The following GPR149 variants were observed in gnomAD, a reference collection of about 807,000 sequenced individuals.
GPR149 encodes the protein G protein-coupled receptor 149, also known as probable G protein-coupled receptor 149.
GPR149 carries 50 observed loss-of-function variants against 50.2 expected under a neutral mutation model. The observed-to-expected ratio is 1.00, with a 90% CI of 0.79 to 1.26. The LOEUF is 1.26. Ranked by LOEUF, GPR149 falls within the 50% of genes most tolerant of loss-of-function variation. The pLI is 0.00. For synonymous variants in GPR149, 405 were observed against 358.2 expected (o/e 1.13, Z -1.48); for missense variants, 983 against 895.4 (o/e 1.10, Z -1.25).
At chr3:154,352,413 G>A in intron 3 of GPR149, 2 of 932,044 alleles carry the variant, frequency 2.1e-6, no homozygotes, top group Admixed American at 1.7e-5. Flanking sequence ...GTGCCACACT[G>A]CCTGTAACCT....
At chr3:154,416,433 A>G (rs1180132081) in intron 3 of GPR149, among the ~76,000 whole-genome samples, 2 of 151,870 alleles carry the variant, frequency 1.3e-5, no homozygotes, top group African/African-American at 4.8e-5. Flanking sequence ...CTGCATTTTA[A>G]TAAGATACCC....
intron 3 of GPR149, 135 bp downstream of exon 3, chr3:154,420,904 A>T: frequency 1.5e-6 from 1 of 649,216 alleles, no homozygotes; most frequent in East Asian, 2.8e-5. Context: ...AAAATTAAAT[A>T]GCATGGAAAT....
chr3:154,338,078 G>T lies in GPR149; in HGVS notation c.1817C>A (p.Ser606Tyr). ...ACTGGTGTCCACAAACGTGGATGAAGAATCTTCTGAGTTTGGTTCATGGCC... is the reference window on the plus strand; with the variant it reads ...ACTGGTGTCCACAAACGTGGATGAATAATCTTCTGAGTTTGGTTCATGGCC... ...SVGHEPNSED[S>Y]SSTFVDTSVK... Residue 606 changes from serine to tyrosine, a missense_variant, in exon 4 of 4, where the codon TCT becomes TAT. By Grantham distance (144) the Ser-to-Tyr change is moderately radical (BLOSUM62 -2). Transcript: ENST00000389740. The T allele has an allele frequency of 6.2e-7, 1 of 1,614,144 alleles. No individual in the cohort carries two copies. Among genetic ancestry groups the T allele is most frequent in the African/African-American group, 1.3e-5 (1 of 75,046 alleles).
intron 3 of GPR149, among the ~76,000 whole-genome samples, chr3:154,369,054 A>T (rs1465251014): frequency 6.6e-6 from 1 of 152,206 alleles, no homozygotes; most frequent in Non-Finnish European, 1.5e-5. Flanking sequence ...AGGGCTCAGG[A>T]AAAGCAGCCA....
intron 3 of GPR149, among the ~76,000 whole-genome samples, chr3:154,411,032 A>G (rs1173570439): frequency 1.3e-5 from 2 of 152,190 alleles, no homozygotes; most frequent in Non-Finnish European, 2.9e-5. Flanking sequence ...AATCAACTCC[A>G]AAAGGAAGCC....
chr3:154,384,217 G>T (rs1186910464), intron 3 of GPR149, among the ~76,000 whole-genome samples: 1 of 152,112 alleles, frequency 6.6e-6, no homozygotes, highest in East Asian at 1.9e-4. Flanking sequence ...AAAGCCTCGG[G>T]TGAGATCTTA....
At chr3:154,384,688 T>C (rs1411665910) in intron 3 of GPR149, among the ~76,000 whole-genome samples, 1 of 152,222 alleles carries the variant, frequency 6.6e-6, no homozygotes, top group Non-Finnish European at 1.5e-5. Context: ...ACACAATTAA[T>C]CAGTCCCAGA....
chr3:154,365,556 G>A (rs907412203), intron 3 of GPR149, among the ~76,000 whole-genome samples: 44 of 152,022 alleles, frequency 2.9e-4, no homozygotes, highest in African/African-American at 8.7e-4. Flanking sequence ...ACTTTTGACC[G>A]TAAATTCAAT....
chr3:154,389,828 G>A (rs1419595622), intron 3 of GPR149, among the ~76,000 whole-genome samples: 1 of 152,178 alleles, frequency 6.6e-6, no homozygotes, highest in Non-Finnish European at 1.5e-5. Context: ...GTTTGAAATA[G>A]TAAGTTAACA....
chr3:154,338,345 T>C lies in GPR149; in HGVS notation c.1624-74A>G, dbSNP rs975563395. On this transcript the variant is annotated intron_variant, in intron 3 of 3. Transcript: ENST00000389740. ...TGAGACATTTAGAAATTCATTTTGTTCATCAGAATGATAAAGGTTTTCTAT... is the reference window on the plus strand; with the variant it reads ...TGAGACATTTAGAAATTCATTTTGTCCATCAGAATGATAAAGGTTTTCTAT... 8.3e-6 allele frequency: 10 copies of C among 1,198,088 alleles called. No homozygotes were observed. In the Admixed American group the frequency reaches 9.5e-5, roughly 11 times the overall value. The allele number at this position is 1,198,088 out of a possible 1,614,324, so 74.2% of individuals were successfully genotyped here.
At chr3:154,358,475 T>C (rs941776492) in intron 3 of GPR149, among the ~76,000 whole-genome samples, 1 of 152,116 alleles carries the variant, frequency 6.6e-6, no homozygotes, top group Admixed American at 6.5e-5. Flanking sequence ...TCACCAAACC[T>C]TTAAAAACTT....
Position 154,429,320 on chromosome 3 carries a change from C to A in GPR149, c.296G>T (p.Gly99Val). Residue 99 changes from glycine (G) to valine (V), a missense_variant, in exon 1 of 4, where the codon GGT becomes GTT. Transcript: ENST00000389740. ...GGTGGTGCACAGAAATTGGAAGTAA[C>A]CGGGGACCTCGTTTGGCCACTGCAA... ...MFLQWPNEVP[G>V]YFQFLCTTSA... is the part of the protein sequence containing the mutation. 6.2e-7 allele frequency: 1 copy of A among 1,614,164 alleles called. No individual in the cohort carries two copies. Among genetic ancestry groups the A allele is most frequent in the Non-Finnish European group, 8.5e-7 (1 of 1,180,024 alleles).
chr3:154,416,635 T>C (rs1246137488), intron 3 of GPR149, among the ~76,000 whole-genome samples: 2 of 151,940 alleles, frequency 1.3e-5, no homozygotes, highest in Non-Finnish European at 2.9e-5. Flanking sequence ...TTTAGAAAAC[T>C]CTTTTTAGAG....
At chr3:154,417,182 ACT>A (rs141272065) in intron 3 of GPR149, among the ~76,000 whole-genome samples, 1,542 of 151,850 alleles carry the variant, frequency 0.01, 35 homozygotes, top group African/African-American at 0.034. Context: ...TAACTAAAAA[ACT>A]CTGACGTTTC....
chr3:154,391,943 A>G (rs1715181119), intron 3 of GPR149, among the ~76,000 whole-genome samples: 1 of 151,898 alleles, frequency 6.6e-6, no homozygotes, highest in South Asian at 2.1e-4. Context: ...CAAAGATAAA[A>G]TGATCAACTC....
chr3:154,416,389 C>G (rs1349533077), intron 3 of GPR149, among the ~76,000 whole-genome samples: 1 of 151,750 alleles, frequency 6.6e-6, no homozygotes, highest in African/African-American at 2.4e-5. Context: ...AATGGAGAAT[C>G]TTGGATCCCA....
intron 3 of GPR149, among the ~76,000 whole-genome samples, chr3:154,419,096 T>G (rs1341263299): frequency 6.6e-6 from 1 of 152,070 alleles, no homozygotes; most frequent in East Asian, 1.9e-4. Flanking sequence ...CTAATCATTA[T>G]TTTTCATAGC....
chr3:154,376,948 A>G (rs1714805844), intron 3 of GPR149, among the ~76,000 whole-genome samples: 1 of 152,154 alleles, frequency 6.6e-6, no homozygotes, highest in South Asian at 2.1e-4. Flanking sequence ...AAATAAAATA[A>G]GGTGAAATAA....
At chr3:154,371,332 GA>G (rs2108401112) in intron 3 of GPR149, among the ~76,000 whole-genome samples, 1 of 152,196 alleles carries the variant, frequency 6.6e-6, no homozygotes, top group South Asian at 2.1e-4. Context: ...CACTCTGAAA[GA>G]ACAATGCTTT....
Sources: allele counts gnomAD v4.1 joint callset (sites outside exome capture counted in the v4.1 genomes callset), GRCh38; gene constraint gnomAD v4.1.1; transcripts MANE v1.5; gene names NCBI Gene and HGNC (gene_info 2026-07-23, HGNC 2026-07-21).